Variants in OPRM1 observed in about 807,000 individuals in gnomAD.
The protein encoded by OPRM1 is mu-type opioid receptor.
In OPRM1, 27 loss-of-function variants were observed where a neutral mutation model predicts 31.8. The observed-to-expected ratio is 0.85, with a 90% confidence interval of 0.63 to 1.17. The LOEUF (loss-of-function observed/expected upper bound fraction) is 1.17, where lower values mean the gene tolerates loss of function less well. OPRM1 is among the 50% of genes most tolerant of loss of function. The pLI is 0.00. For missense variants in OPRM1, 536 were observed against 511.1 expected (o/e 1.05, Z -0.47); for synonymous variants, 196 against 189.9 (o/e 1.03, Z -0.26).
intron 3 of OPRM1, among the ~76,000 whole-genome samples, chr6:154,099,247 C>T (rs756186218): frequency 1.0e-4 from 15 of 147,334 alleles, no homozygotes; most frequent in Non-Finnish European, 2.1e-4. Context: ...ATTGTGCCAC[C>T]GCACTCTAGG....
intron 3 of OPRM1, among the ~76,000 whole-genome samples, chr6:154,205,059 T>C (rs1777380125): frequency 6.6e-6 from 1 of 152,194 alleles, no homozygotes; most frequent in Non-Finnish European, 1.5e-5. Context: ...ATATCACTTC[T>C]TCCACAGGGT....
intron 3 of OPRM1, chr6:154,200,127 T>A: frequency 8.1e-7 from 1 of 1,232,280 alleles, no homozygotes; most frequent in South Asian, 1.6e-5. Flanking sequence ...AATCACGGTG[T>A]CCCCGTGTTA....
chr6:154,041,034 T>A (rs775997698), intron 1 of OPRM1, among the ~76,000 whole-genome samples: 3 of 152,160 alleles, frequency 2.0e-5, no homozygotes, highest in Non-Finnish European at 4.4e-5. Context: ...TTAGTTACAA[T>A]GTTTGTTTCA....
rs924817660 is a variant in OPRM1 at position 154,130,694 on chromosome 6, G to C, written c.*11973G>C. ...AAAGCATTAGTACCATTATATGAAA[G>C]TATATATGCCATTCCATAAAAATAT... On this transcript the variant is annotated 3_prime_UTR_variant, in exon 4 of 4. Coordinates refer to ENST00000330432, the MANE Select transcript of OPRM1 (RefSeq NM_000914.5). Among the ~76,000 whole-genome samples the C allele has an allele frequency of 6.6e-6, 1 of 151,438 alleles. No homozygotes were observed. The highest frequency in any genetic ancestry group is 2.4e-5 in the African/African-American group (1 of 41,192).
chr6:154,018,337 T>G (rs1778132163), intron 1 of OPRM1, among the ~76,000 whole-genome samples: 1 of 152,050 alleles, frequency 6.6e-6, no homozygotes. Context: ...CGAGAATCAC[T>G]TGAACCTAGG....
In OPRM1 at chr6:154,090,054, C is replaced by T. The variant is rs755411930; in HGVS notation, c.519C>T (p.His173=). 5 of 1,613,878 alleles carry T rather than the reference C, an allele frequency of 3.1e-6. No homozygotes were observed. The African/African-American group carries it at 5.3e-5, about 17-fold the overall frequency. ...TTGATCGATACATTGCAGTCTGCCA[C>T]CCTGTCAAGGCCTTAGATTTCCGTA... ...MSVDRYIAVC[H]PVKALDFRTP... is the part of the protein sequence containing the mutation. Residue 173 remains histidine (H), a synonymous_variant, in exon 2 of 4, where the codon CAC becomes CAT. Transcript: ENST00000330432.
At position 154,186,421 on chromosome 6, in the gene OPRM1, CA is replaced by C. The variant is rs1562529600; in HGVS notation, c.1165-60270del. ...CACAGCATCTGACTGCTTTCCATCTCAACCTAGTGTTTTGTTGCTAGCAAAT... is the reference window on the plus strand; with the variant it reads ...CACAGCATCTGACTGCTTTCCATCTCACCTAGTGTTTTGTTGCTAGCAAAT... On this transcript the variant is annotated intron_variant, in intron 3 of 3. Transcript: ENST00000337049. Among the ~76,000 whole-genome samples, 4 of 152,368 alleles carry C rather than the reference CA, an allele frequency of 2.6e-5. No individual in the cohort carries two copies. The Middle Eastern group carries it at 0.01, about 389-fold the overall frequency.
At chr6:154,155,214 C>A (rs1798664728) in intron 3 of OPRM1, 1 of 152,076 alleles carries the variant, frequency 6.6e-6, no homozygotes, top group South Asian at 2.1e-4. Flanking sequence ...AGAAATTATC[C>A]CCCTTCCACA....
intron 3 of OPRM1, among the ~76,000 whole-genome samples, chr6:154,196,263 C>T (rs779335678): frequency 1.2e-4 from 19 of 152,150 alleles, no homozygotes; most frequent in Non-Finnish European, 2.4e-4. Flanking sequence ...ATTCCAACAG[C>T]AACTCTCAAA....
intron 3 of OPRM1, among the ~76,000 whole-genome samples, chr6:154,179,077 T>C (rs369651417): frequency 3.9e-5 from 6 of 152,296 alleles, no homozygotes; most frequent in Admixed American, 1.3e-4. Flanking sequence ...GTTTTTATTG[T>C]TGCTAATGGC....
At chr6:154,094,546 G>A (rs1013398005) in intron 3 of OPRM1, among the ~76,000 whole-genome samples, 1 of 152,216 alleles carries the variant, frequency 6.6e-6, no homozygotes, top group Non-Finnish European at 1.5e-5. Context: ...GAGGGCAGCT[G>A]CCCGATGGGC....
At chr6:154,234,529 C>A (rs936327133) in intron 3 of OPRM1, among the ~76,000 whole-genome samples, 1 of 152,238 alleles carries the variant, frequency 6.6e-6, no homozygotes, top group Non-Finnish European at 1.5e-5. Context: ...AACAGCCCAA[C>A]TGCTCAGCAC....
chr6:154,072,553 C>T (rs969500777), intron 1 of OPRM1, among the ~76,000 whole-genome samples: 3 of 152,138 alleles, frequency 2.0e-5, no homozygotes, highest in Non-Finnish European at 4.4e-5. Flanking sequence ...CATGAGACTC[C>T]ACTCCTGGTC....
At chr6:154,040,954 A>G (rs560251313) in intron 1 of OPRM1, among the ~76,000 whole-genome samples, 15 of 151,678 alleles carry the variant, frequency 9.9e-5, no homozygotes, top group South Asian at 2.1e-4. Context: ...ACTTTAAAAT[A>G]GTTCCTAATT....
At chr6:154,063,809 A>G (rs1415593392) in intron 1 of OPRM1, among the ~76,000 whole-genome samples, 5 of 152,022 alleles carry the variant, frequency 3.3e-5, no homozygotes, top group Admixed American at 2.0e-4. Context: ...AAGTTGATCC[A>G]TGTTGTAGTA....
chr6:154,042,431 C>A (rs1274622117), intron 1 of OPRM1, among the ~76,000 whole-genome samples: 1 of 152,150 alleles, frequency 6.6e-6, no homozygotes. Flanking sequence ...TAAAATTCAA[C>A]AAATGCTATT....
At chr6:154,233,160 G>A (rs1355908444) in intron 3 of OPRM1, among the ~76,000 whole-genome samples, 1 of 152,060 alleles carries the variant, frequency 6.6e-6, no homozygotes, top group Non-Finnish European at 1.5e-5. Flanking sequence ...ATAGAGACAT[G>A]GTTTCGCCAT....
chr6:154,096,229 G>GT (rs1554274137), intron 3 of OPRM1, among the ~76,000 whole-genome samples: 1 of 151,870 alleles, frequency 6.6e-6, no homozygotes, highest in Non-Finnish European at 1.5e-5. Context: ...GCTAATTTTT[G>GT]TATTATTTTT....
chr6:154,102,341 C>G (rs1457599284), intron 3 of OPRM1, among the ~76,000 whole-genome samples: 9 of 152,140 alleles, frequency 5.9e-5, no homozygotes, highest in African/African-American at 1.4e-4. Context: ...GTAGTAACTA[C>G]CACTTAGCTT....
Sources: gnomAD v4.1 joint callset for allele counts (sites outside exome capture counted in the v4.1 genomes callset) on GRCh38, gnomAD v4.1.1 for gene constraint, MANE v1.5 for transcripts, NCBI Gene and HGNC (gene_info 2026-07-23, HGNC 2026-07-21) for gene names.